The following UNK variants were observed in gnomAD, a reference collection of about 807,000 sequenced individuals.
UNK encodes RING finger protein unkempt homolog.
In UNK, 32 loss-of-function variants were observed where a neutral mutation model predicts 97.6. That is an observed-to-expected ratio of 0.33 (90% CI 0.25 to 0.44). The LOEUF is 0.44. UNK is among the 20% of genes least tolerant of loss of function. UNK has a pLI of 1.00. For synonymous variants in UNK, 441 were observed against 461.2 expected (o/e 0.96, Z 0.56); for missense variants, 771 against 1,098.4 (o/e 0.70, Z 4.21).
At chr17:75,798,935 C>T (rs1409463630) in intron 1 of UNK, among the ~76,000 whole-genome samples, 1 of 151,938 alleles carries the variant, frequency 6.6e-6, no homozygotes, top group Non-Finnish European at 1.5e-5. Context: ...GGCGTGGTGG[C>T]GGGCGCCTGT....
chr17:75,791,439 G>T (rs1247652385), intron 1 of UNK, among the ~76,000 whole-genome samples: 1 of 152,194 alleles, frequency 6.6e-6, no homozygotes, highest in African/African-American at 2.4e-5. Flanking sequence ...ATAAAATCGT[G>T]CATGCATTAG....
At position 75,822,180 on chromosome 17, in the gene UNK, C is replaced by T. The variant is rs140348624; in HGVS notation, c.1838-297C>T. Among the ~76,000 whole-genome samples the T allele has an allele frequency of 7.2e-5, 11 of 152,366 alleles. No individual in the cohort carries two copies. The East Asian group carries it at 1.9e-3, about 27-fold the overall frequency. On this transcript the variant is annotated intron_variant, in intron 13 of 15. Transcript: ENST00000589666. ...TCTCACATGCAGTACTTCCTGAGTC[C>T]CCTGAGTTACCCGGTGAGGCCAGTG...
chr17:75,790,650 G>A (rs2061755660), intron 1 of UNK, among the ~76,000 whole-genome samples: 1 of 151,642 alleles, frequency 6.6e-6, no homozygotes, highest in Non-Finnish European at 1.5e-5. Flanking sequence ...TAAATAATTG[G>A]CTGGGCGTGG....
intron 1 of UNK, among the ~76,000 whole-genome samples, chr17:75,803,185 T>G (rs182642672): frequency 6.6e-6 from 1 of 152,188 alleles, no homozygotes; most frequent in Non-Finnish European, 1.5e-5. Context: ...CATCATGAGG[T>G]CAGGAGATCA....
rs2062053940 is a variant in UNK, at chr17:75,820,140, T to C, written c.1837+32T>C. The C allele has an allele frequency of 3.2e-6, 5 of 1,583,646 alleles. No homozygotes were observed. The East Asian group carries it at 9.0e-5, about 28-fold the overall frequency. ...GAGGGAGTGGTTCACTCAGGAGAAC[T>C]GGGGCAGGAACCTGCGCCTTTAGGA... On this transcript the variant is annotated intron_variant, in intron 13 of 15. Coordinates refer to ENST00000589666, the MANE Select transcript of UNK (RefSeq NM_001080419.3).
At chr17:75,814,193 C>G (rs2061996272) in intron 6 of UNK, among the ~76,000 whole-genome samples, 1 of 152,056 alleles carries the variant, frequency 6.6e-6, no homozygotes, top group African/African-American at 2.4e-5. Context: ...TGCTTGTAAT[C>G]CAGTGACATC....
At chr17:75,814,533 C>CT (rs982571048) in intron 6 of UNK, among the ~76,000 whole-genome samples, 109 of 151,098 alleles carry the variant, frequency 7.2e-4, no homozygotes, top group African/African-American at 2.6e-3. Flanking sequence ...AAGTAAGCTC[C>CT]TTCCTGTTGC....
chr17:75,796,696 G>A (rs964575877), intron 1 of UNK, among the ~76,000 whole-genome samples: 1 of 152,044 alleles, frequency 6.6e-6, no homozygotes, highest in Non-Finnish European at 1.5e-5. Context: ...GGTCATGTTT[G>A]GTATCAGAAT....
intron 2 of UNK, 141 bp from the exon 3 acceptor site, chr17:75,811,971 C>A: frequency 9.4e-7 from 1 of 1,066,224 alleles, no homozygotes. Context: ...GGCGACAGAG[C>A]AAGACTCCGT....
intron 3 of UNK, 37 bp from the exon 4 acceptor site, chr17:75,812,415 GCCC>G: frequency 6.3e-7 from 1 of 1,595,130 alleles, no homozygotes; most frequent in Non-Finnish European, 8.6e-7. Flanking sequence ...GCCCCCTCAT[GCCC>G]CCTCTCCACC....
At chr17:75,801,492 G>T (rs1056463050) in intron 1 of UNK, among the ~76,000 whole-genome samples, 17 of 152,028 alleles carry the variant, frequency 1.1e-4, no homozygotes, top group Admixed American at 2.6e-4. Flanking sequence ...ACTCCAGCCT[G>T]GTAACGGAGT....
intron 14 of UNK, 27 bp downstream of exon 14, chr17:75,822,685 TC>T: frequency 6.4e-7 from 1 of 1,567,390 alleles, no homozygotes. Flanking sequence ...CTGCCGGCCT[TC>T]CCCAGTGCCA....
chr17:75,807,598 A>G (rs1404584158), intron 1 of UNK, among the ~76,000 whole-genome samples: 1 of 152,146 alleles, frequency 6.6e-6, no homozygotes, highest in Non-Finnish European at 1.5e-5. Context: ...GACTACAGGC[A>G]CACGCCACCA....
At chr17:75,785,276 T>TAA (rs2061698287) in intron 1 of UNK, 1 of 359,314 alleles carries the variant, frequency 2.8e-6, no homozygotes, top group Non-Finnish European at 5.0e-6. Context: ...GCCTAACTGT[T>TAA]CCTCAGACCA....
chr17:75,788,275 G>T (rs555281906), intron 1 of UNK, among the ~76,000 whole-genome samples: 6 of 151,736 alleles, frequency 4.0e-5, no homozygotes, highest in Non-Finnish European at 8.8e-5. Flanking sequence ...CACCTCCCGG[G>T]TTTAAGCAAT....
intron 1 of UNK, among the ~76,000 whole-genome samples, chr17:75,790,084 A>G (rs1599356711): frequency 6.6e-6 from 1 of 152,194 alleles, no homozygotes; most frequent in East Asian, 1.9e-4. Flanking sequence ...CGGAGGTTGC[A>G]GTGAGCCGAG....
At chr17:75,802,042 T>A (rs2061864603) in intron 1 of UNK, among the ~76,000 whole-genome samples, 1 of 151,760 alleles carries the variant, frequency 6.6e-6, no homozygotes, top group Admixed American at 6.6e-5. Flanking sequence ...AGAGATGGGA[T>A]TCTCCATGTT....
chr17:75,819,832 C>T lies in UNK; in HGVS notation c.1648+47C>T. 1.9e-6 allele frequency: 3 copies of T among 1,611,504 alleles called. No homozygotes were observed. The highest frequency in any genetic ancestry group is 2.2e-5 in the South Asian group (2 of 90,960). On this transcript the variant is annotated intron_variant, in intron 12 of 15. Transcript: ENST00000589666. The surrounding 1 kb of genome is among the most constrained non-coding windows in gnomAD (Gnocchi z 5.4). ...GGCAGCCTGGAGGACTCCTCGGGTT[C>T]CTGCCTGGCTCAGGCCCCTTGCTCT...
intron 1 of UNK, among the ~76,000 whole-genome samples, chr17:75,790,831 T>C (rs2061757578): frequency 6.6e-6 from 1 of 151,766 alleles, no homozygotes; most frequent in South Asian, 2.1e-4. Flanking sequence ...CTCGGGAGGC[T>C]GAGACAGGAG....
Sources: allele counts gnomAD v4.1 joint callset (sites outside exome capture counted in the v4.1 genomes callset), GRCh38; gene constraint gnomAD v4.1.1; non-coding constraint Gnocchi (gnomAD v3.1); transcripts MANE v1.5; gene names NCBI Gene and HGNC (gene_info 2026-07-23, HGNC 2026-07-21).